Variants in ZNF536 observed in about 807,000 individuals in gnomAD.
ZNF536 encodes zinc finger protein 536.
A neutral mutation model predicts 84.5 loss-of-function variants in ZNF536; 13 were observed. That is an observed-to-expected ratio of 0.15 (90% CI 0.10 to 0.24). ZNF536 has a LOEUF of 0.24. ZNF536 is among the 10% of genes least tolerant of loss of function. The probability of loss-of-function intolerance (pLI) is 1.00; values close to 1 mark genes in which losing one functional copy is unlikely to be tolerated. For synonymous variants in ZNF536, 811 were observed against 742.5 expected (o/e 1.09, Z -1.50); for missense variants, 1,536 against 1,747.5 (o/e 0.88, Z 2.16).
At chr19:30,233,928 G>A (rs2023274021) in intron 1 of ZNF536, among the ~76,000 whole-genome samples, 1 of 152,172 alleles carries the variant, frequency 6.6e-6, no homozygotes, top group African/African-American at 2.4e-5. Context: ...GATTCTCAAA[G>A]CTCATCCACC....
intron 1 of ZNF536, among the ~76,000 whole-genome samples, chr19:30,267,816 T>C (rs1878168254): frequency 2.0e-5 from 3 of 152,134 alleles, no homozygotes; most frequent in African/African-American, 7.2e-5. Context: ...GTTTTCACAG[T>C]GCTTTGCGAG....
chr19:30,469,022 C>G (rs1223442238), intron 2 of ZNF536, among the ~76,000 whole-genome samples: 1 of 152,020 alleles, frequency 6.6e-6, no homozygotes, highest in Admixed American at 6.5e-5. Context: ...TACCCATGAC[C>G]CAGGGCCCTG....
At chr19:30,590,140 T>G (rs1021985102) in intron 1 of ZNF536, among the ~76,000 whole-genome samples, 1 of 152,188 alleles carries the variant, frequency 6.6e-6, no homozygotes, top group Non-Finnish European at 1.5e-5. Flanking sequence ...GTTGGCCATG[T>G]CAACCCATGG....
downstream of ZNF536, among the ~76,000 whole-genome samples, chr19:30,561,477 A>G (rs1239323802): frequency 6.6e-6 from 1 of 152,180 alleles, no homozygotes; most frequent in Non-Finnish European, 1.5e-5. Flanking sequence ...GGGTCTCCCT[A>G]GAGCAGATCC....
chr19:30,596,121 A>G (rs1329253638), intron 1 of ZNF536, among the ~76,000 whole-genome samples: 9 of 152,188 alleles, frequency 5.9e-5, no homozygotes, highest in Admixed American at 5.9e-4. Context: ...CTTCTTATAG[A>G]CCTAATGTGG....
At position 30,493,298 on chromosome 19, in the gene ZNF536, A is replaced by C. The variant is rs541710131; in HGVS notation, c.2171-41549A>C. On this transcript the variant is annotated intron_variant, in intron 2 of 4. Coordinates refer to ENST00000355537, the MANE Select transcript of ZNF536 (RefSeq NM_014717.3). ...TTTAGCTGACATTTTAGGGAACGTC[A>C]AACCTTTGTTAGAGAAAATGTAAGG... Among the ~76,000 whole-genome samples, 4 of 152,178 alleles carry C rather than the reference A, an allele frequency of 2.6e-5. No individual in the cohort carries two copies. In the South Asian group the frequency reaches 8.3e-4, roughly 32 times the overall value.
intron 1 of ZNF536, among the ~76,000 whole-genome samples, chr19:30,594,031 G>T (rs146648485): frequency 6.6e-6 from 1 of 152,286 alleles, no homozygotes; most frequent in African/African-American, 2.4e-5. Context: ...TCTATGCCAC[G>T]TGGAATGTCT....
intron 2 of ZNF536, among the ~76,000 whole-genome samples, chr19:30,500,913 T>C (rs1328914931): frequency 3.9e-5 from 6 of 152,170 alleles, no homozygotes; most frequent in East Asian, 1.9e-4. Flanking sequence ...ACAATAGGAG[T>C]GTACCAAGCT....
At chr19:30,534,411 C>T (rs964165867) in intron 2 of ZNF536, among the ~76,000 whole-genome samples, 1 of 152,178 alleles carries the variant, frequency 6.6e-6, no homozygotes, top group African/African-American at 2.4e-5. Context: ...TCAGCTGACA[C>T]ACATTTTTTT....
chr19:30,326,676 GCACGAA>G (rs2047036173), intron 2 of ZNF536, among the ~76,000 whole-genome samples: 2 of 151,302 alleles, frequency 1.3e-5, no homozygotes, highest in Non-Finnish European at 2.9e-5. Flanking sequence ...GATGCGGGAG[GCACGAA>G]TGTGCCTCCC....
At chr19:30,639,788 T>C (rs1338557323) in intron 1 of ZNF536, among the ~76,000 whole-genome samples, 1 of 152,236 alleles carries the variant, frequency 6.6e-6, no homozygotes, top group Non-Finnish European at 1.5e-5. Flanking sequence ...CTGCTTTGCT[T>C]CTCAGCATCT....
At chr19:30,610,930 A>G (rs978290888) in intron 1 of ZNF536, among the ~76,000 whole-genome samples, 11 of 152,168 alleles carry the variant, frequency 7.2e-5, no homozygotes, top group Non-Finnish European at 1.2e-4. Context: ...AAGCTCTGTT[A>G]TTTACCTTCA....
At chr19:30,497,834 C>A (rs903606538) in intron 2 of ZNF536, among the ~76,000 whole-genome samples, 1 of 152,050 alleles carries the variant, frequency 6.6e-6, no homozygotes, top group Non-Finnish European at 1.5e-5. Flanking sequence ...AGAAATTCAG[C>A]CTGTAAGACC....
intron 2 of ZNF536, among the ~76,000 whole-genome samples, chr19:30,302,062 A>T (rs1203917223): frequency 1.4e-5 from 2 of 144,726 alleles, no homozygotes; most frequent in African/African-American, 5.4e-5. Flanking sequence ...TATACAAATA[A>T]TTTTTTATAA....
At chr19:30,569,559 CTTTTTTTTTTTTTTTTTTT>C (rs34995610) in intron 1 of ZNF536, among the ~76,000 whole-genome samples, 1 of 55,106 alleles carries the variant, frequency 1.8e-5, no homozygotes, top group East Asian at 9.0e-4. Flanking sequence ...GATAAACGTT[CTTTTTTTTTTTTTTTTTTT>C]TTTTTTTTTT....
intron 1 of ZNF536, among the ~76,000 whole-genome samples, chr19:30,270,166 A>T (rs1207279858): frequency 2.6e-5 from 4 of 152,188 alleles, no homozygotes; most frequent in Admixed American, 2.6e-4. Flanking sequence ...ATGTGTGAAA[A>T]CATAAGACCC....
chr19:30,492,175 A>G (rs2054536922), intron 2 of ZNF536, among the ~76,000 whole-genome samples: 2 of 152,244 alleles, frequency 1.3e-5, no homozygotes, highest in Non-Finnish European at 2.9e-5. Context: ...CCTTATCTGC[A>G]TAAAGAAAGA....
intron 1 of ZNF536, among the ~76,000 whole-genome samples, chr19:30,398,497 G>A (rs1022172031): frequency 2.0e-5 from 3 of 151,308 alleles, no homozygotes; most frequent in African/African-American, 4.9e-5. Flanking sequence ...CCATCAACTC[G>A]TCACCTGCAT....
At chr19:30,293,810 AG>A (rs1246297469) in intron 2 of ZNF536, among the ~76,000 whole-genome samples, 1 of 152,210 alleles carries the variant, frequency 6.6e-6, no homozygotes, top group African/African-American at 2.4e-5. Flanking sequence ...GCCTGAGCCA[AG>A]GGGCTTGTAC....
Sources: gnomAD v4.1 joint callset for allele counts (sites outside exome capture counted in the v4.1 genomes callset) on GRCh38, gnomAD v4.1.1 for gene constraint, MANE v1.5 for transcripts, NCBI Gene and HGNC (gene_info 2026-07-23, HGNC 2026-07-21) for gene names.